The following SEMA3A variants were observed in gnomAD, a reference collection of about 807,000 sequenced individuals.
SEMA3A encodes semaphorin-3A.
SEMA3A carries 29 observed loss-of-function variants against 97.9 expected under a neutral mutation model. The observed-to-expected ratio is 0.30, with a 90% confidence interval of 0.22 to 0.40. The LOEUF (loss-of-function observed/expected upper bound fraction) is 0.40. Ranked by LOEUF, SEMA3A falls within the 10% of genes least tolerant of loss-of-function variation. The pLI is 1.00. For synonymous variants in SEMA3A, 321 were observed against 323.7 expected (o/e 0.99, Z 0.09); for missense variants, 763 against 951.3 (o/e 0.80, Z 2.60).
chr7:84,102,950 G>T (rs889724548), intron 4 of SEMA3A, among the ~76,000 whole-genome samples: 1 of 151,708 alleles, frequency 6.6e-6, no homozygotes, highest in Non-Finnish European at 1.5e-5. Context: ...ACCACATATT[G>T]TATGGGGGTT....
intron 1 of SEMA3A, among the ~76,000 whole-genome samples, chr7:84,484,284 C>A (rs1806519911): frequency 6.6e-6 from 1 of 152,026 alleles, no homozygotes; most frequent in South Asian, 2.1e-4. Context: ...CAGAGAATAG[C>A]AAGTGGTTAA....
chr7:84,002,102 G>GTGTT (rs1790478622), intron 11 of SEMA3A, 56 bp from the exon 12 acceptor site: 1 of 935,504 alleles, frequency 1.1e-6, no homozygotes, highest in Non-Finnish European at 1.7e-6. Flanking sequence ...ACAGAGATTA[G>GTGTT]TGTTAATGAA....
chr7:84,463,892 T>A (rs553348505), intron 1 of SEMA3A, among the ~76,000 whole-genome samples: 15 of 152,316 alleles, frequency 9.8e-5, no homozygotes, highest in Admixed American at 5.2e-4. Context: ...ATATATTTTG[T>A]ATGCCACTGT....
At chr7:84,428,439 CAT>C (rs1804883520) in intron 1 of SEMA3A, among the ~76,000 whole-genome samples, 1 of 151,966 alleles carries the variant, frequency 6.6e-6, no homozygotes, top group Admixed American at 6.6e-5. Flanking sequence ...TGATTTCAAA[CAT>C]AACAGCTATC....
chr7:84,408,732 A>G (rs1804177877), intron 1 of SEMA3A, among the ~76,000 whole-genome samples: 1 of 151,604 alleles, frequency 6.6e-6, no homozygotes, highest in South Asian at 2.1e-4. Flanking sequence ...TGATGAGTTC[A>G]TGTCCTTTGT....
At chr7:84,448,322 G>T (rs1805477201) in intron 1 of SEMA3A, among the ~76,000 whole-genome samples, 1 of 152,080 alleles carries the variant, frequency 6.6e-6, no homozygotes, top group Non-Finnish European at 1.5e-5. Flanking sequence ...TGGGCAAAAA[G>T]AAAGAAATAA....
intron 2 of SEMA3A, among the ~76,000 whole-genome samples, chr7:84,340,862 C>T (rs1802150425): frequency 6.6e-6 from 1 of 150,746 alleles, no homozygotes; most frequent in Non-Finnish European, 1.5e-5. Context: ...AATATATATA[C>T]TCTGAGGCAT....
At chr7:84,373,841 C>T (rs1468234526) in intron 1 of SEMA3A, among the ~76,000 whole-genome samples, 10 of 152,142 alleles carry the variant, frequency 6.6e-5, no homozygotes, top group Non-Finnish European at 4.4e-5. Context: ...TGAGTACTAA[C>T]ATTTTCCAAG....
At chr7:84,141,504 C>T (rs568408494) in intron 1 of SEMA3A, among the ~76,000 whole-genome samples, 21 of 152,172 alleles carry the variant, frequency 1.4e-4, no homozygotes, top group Non-Finnish European at 2.4e-4. Flanking sequence ...CTTGTATAGA[C>T]TTTTCTTTGT....
At chr7:84,127,808 C>A (rs1010576913) in intron 3 of SEMA3A, among the ~76,000 whole-genome samples, 1 of 152,154 alleles carries the variant, frequency 6.6e-6, no homozygotes, top group African/African-American at 2.4e-5. Flanking sequence ...TTGAAAATAT[C>A]TATGTATCTA....
chr7:84,032,036 G>C (rs1392236521), intron 6 of SEMA3A, among the ~76,000 whole-genome samples: 1 of 151,984 alleles, frequency 6.6e-6, no homozygotes, highest in Non-Finnish European at 1.5e-5. Context: ...TGAATACATA[G>C]TCTCACAAAA....
chr7:83,972,142 T>A (rs1039428605), intron 15 of SEMA3A, among the ~76,000 whole-genome samples: 1 of 152,136 alleles, frequency 6.6e-6, no homozygotes, highest in Non-Finnish European at 1.5e-5. Context: ...GCCAATATAT[T>A]TTAATTTTAT....
intron 5 of SEMA3A, among the ~76,000 whole-genome samples, chr7:84,053,700 T>C (rs1792796285): frequency 1.3e-5 from 2 of 150,122 alleles, no homozygotes; most frequent in Admixed American, 1.3e-4. Flanking sequence ...TTGGAGCATT[T>C]AGTCCATTTA....
At chr7:83,964,508 C>T (rs900532121) in intron 15 of SEMA3A, among the ~76,000 whole-genome samples, 3 of 152,116 alleles carry the variant, frequency 2.0e-5, no homozygotes, top group Non-Finnish European at 2.9e-5. Context: ...GGTTTAAAGC[C>T]TTCAAAAATG....
At chr7:84,344,444 T>G (rs965007892) in intron 2 of SEMA3A, among the ~76,000 whole-genome samples, 36 of 152,080 alleles carry the variant, frequency 2.4e-4, no homozygotes, top group African/African-American at 8.5e-4. Context: ...CAGAGTGCAG[T>G]GCAGAGAAGG....
At chr7:84,215,011 C>G (rs1292535014) in intron 3 of SEMA3A, among the ~76,000 whole-genome samples, 2 of 150,868 alleles carry the variant, frequency 1.3e-5, no homozygotes, top group Admixed American at 1.3e-4. Flanking sequence ...AGCTGGGATT[C>G]CAGGCGCATG....
intron 1 of SEMA3A, among the ~76,000 whole-genome samples, chr7:84,448,018 C>A (rs1382875240): frequency 6.6e-6 from 1 of 152,238 alleles, no homozygotes; most frequent in Non-Finnish European, 1.5e-5. Context: ...GCTGCAGCAG[C>A]TGGTGTGCCC....
intron 4 of SEMA3A, among the ~76,000 whole-genome samples, chr7:84,086,007 C>T (rs943137289): frequency 6.6e-5 from 10 of 152,130 alleles, no homozygotes; most frequent in Admixed American, 1.3e-4. Flanking sequence ...GATATGTAGC[C>T]ACACAGAATC....
chr7:84,128,064 T>A (rs1304496562), intron 3 of SEMA3A, among the ~76,000 whole-genome samples: 7 of 152,148 alleles, frequency 4.6e-5, no homozygotes, highest in African/African-American at 1.4e-4. Context: ...GGGCTATTCC[T>A]CAAACCAGTC....
Sources: allele counts gnomAD v4.1 joint callset (sites outside exome capture counted in the v4.1 genomes callset), GRCh38; gene constraint gnomAD v4.1.1; transcripts MANE v1.5; gene names NCBI Gene and HGNC (gene_info 2026-07-23, HGNC 2026-07-21).